Variants in DNAAF10 observed in about 807,000 individuals in gnomAD.
DNAAF10 encodes the protein WD repeat domain 92.
Under a neutral mutation model 43.7 loss-of-function variants are expected in DNAAF10, and 28 were observed. The ratio of observed to expected loss-of-function variants is 0.64; its 90% CI spans 0.48 to 0.88. The LOEUF (loss-of-function observed/expected upper bound fraction) is 0.88, where lower values mean the gene tolerates loss of function less well. Among genes scored for constraint, DNAAF10 ranks in the 40% least tolerant of loss-of-function variants. DNAAF10 has a pLI of 0.00. For missense variants in DNAAF10, 403 were observed against 439.1 expected, an observed-to-expected ratio of 0.92 and a Z score of 0.73; for synonymous variants, 156 against 157.3, an observed-to-expected ratio of 0.99 and a Z score of 0.06.
At chr2:68,133,330 C>T (rs751227077) in intron 7 of DNAAF10, among the ~76,000 whole-genome samples, 7 of 152,098 alleles carry the variant, frequency 4.6e-5, no homozygotes, top group African/African-American at 1.2e-4. Context: ...GAGACCTCCA[C>T]CTCCCAGATT....
chr2:68,154,735 G>C (rs1366299637), intron 1 of DNAAF10, among the ~76,000 whole-genome samples: 4 of 152,162 alleles, frequency 2.6e-5, no homozygotes, highest in Non-Finnish European at 4.4e-5. Context: ...ACTTGATGGA[G>C]TAAGTGTACT....
At chr2:68,156,966 C>T in intron 1 of DNAAF10, 1 of 466,964 alleles carries the variant, frequency 2.1e-6, no homozygotes, top group Non-Finnish European at 3.9e-6. Context: ...CAGCTGATGC[C>T]TGTCGAATGT....
At chr2:68,153,008 A>G (rs1673492781) in intron 1 of DNAAF10, among the ~76,000 whole-genome samples, 1 of 152,124 alleles carries the variant, frequency 6.6e-6, no homozygotes, top group African/African-American at 2.4e-5. Context: ...AACATCTACA[A>G]CTGTGTTTCC....
At chr2:68,141,560 C>T in intron 4 of DNAAF10, 134 bp downstream of exon 4, 1 of 744,976 alleles carries the variant, frequency 1.3e-6, no homozygotes, top group Non-Finnish European at 2.1e-6. Flanking sequence ...CATTAACCAC[C>T]ACGTGTATTT....
In DNAAF10 at chr2:68,134,710, G is replaced by C. The variant is rs770878654; in HGVS notation, c.858C>G (p.Leu286=). ...TGCACTGGCAGACTTACTACTTCCA[G>C]AGGTGAAGGCCGCCGGCGCCTCCAG... ...LTAGGAGGLH[L]WKYEYPIQRS... Residue 286 remains leucine, a synonymous_variant, in exon 7 of 8, where the codon CTC becomes CTG. Transcript: ENST00000295121. The C allele has an allele frequency of 1.5e-5, 24 of 1,610,246 alleles. No homozygotes were observed. The highest frequency in any genetic ancestry group is 2.0e-5 in the Non-Finnish European group (23 of 1,179,160).
intron 1 of DNAAF10, chr2:68,156,923 T>A (rs951764941): frequency 5.7e-6 from 2 of 349,604 alleles, no homozygotes; most frequent in African/African-American, 4.1e-5. Flanking sequence ...ATGGGGGACA[T>A]TACCATTCAC....
At position 68,137,393 on chromosome 2, in the gene DNAAF10, T is replaced by C. The variant is rs1308539497; in HGVS notation, c.674A>G (p.Asn225Ser). The change falls in exon 6 of 8, where the codon AAT (asparagine) becomes AGT (serine). Residue 225 changes from asparagine to serine, a missense_variant. Asn to Ser is a conservative substitution (Grantham distance 46, BLOSUM62 1). Coordinates refer to ENST00000295121, the MANE Select transcript of DNAAF10 (RefSeq NM_138458.4). Reference sequence around the variant, plus strand: ...TTCCAGAGATGTGGCTACTAACTTATTCATACTTATGTCTTTTCTGTCAAA... The same window carrying C: ...TTCCAGAGATGTGGCTACTAACTTACTCATACTTATGTCTTTTCTGTCAAA... ...LEFDRKDISM[N>S]KLVATSLEGK... 3.1e-6 allele frequency: 5 copies of C among 1,613,324 alleles called. No homozygotes were observed. Among genetic ancestry groups the C allele is most frequent in the Non-Finnish European group, 4.2e-6 (5 of 1,179,714 alleles).
Position 68,138,872 on chromosome 2 carries a change from A to G in DNAAF10, c.518-15T>C. On this transcript the variant is annotated splice_polypyrimidine_tract_variant and intron_variant, in intron 4 of 7. Coordinates refer to ENST00000295121, the MANE Select transcript of DNAAF10 (RefSeq NM_138458.4). ...ATAAGCATTGCCTGGAAATCAAGAT[A>G]CAACATTTCACATCCTTATAAATGC... The G allele has an allele frequency of 6.4e-7, 1 of 1,558,292 alleles. No individual in the cohort carries two copies. Among genetic ancestry groups the G allele is most frequent in the Non-Finnish European group, 8.9e-7 (1 of 1,129,670 alleles).
chr2:68,153,309 T>C (rs900822937), intron 1 of DNAAF10, among the ~76,000 whole-genome samples: 3 of 143,010 alleles, frequency 2.1e-5, no homozygotes, highest in African/African-American at 7.9e-5. Flanking sequence ...TCTTCTTAGA[T>C]GCACGGGCTT....
chr2:68,147,654 G>T, intron 1 of DNAAF10, 87 bp from the exon 2 acceptor site: 1 of 929,566 alleles, frequency 1.1e-6, no homozygotes, highest in Non-Finnish European at 1.5e-6. Context: ...GCTCTATTAT[G>T]GCATTTAAAT....
rs144511164 is a variant in DNAAF10 at position 68,150,195 on chromosome 2, T to C, written c.184-2628A>G. ...TTACTGCTGGATAAAAATAAAAAAC[T>C]GGAAGCAAAAACTTTCCTCCCTGTT... On this transcript the variant is annotated intron_variant, in intron 1 of 7. Coordinates refer to ENST00000295121, the MANE Select transcript of DNAAF10 (RefSeq NM_138458.4). Among the ~76,000 whole-genome samples the C allele has an allele frequency of 2.7e-3, 415 of 152,264 alleles. 2 individuals carry two copies. Among genetic ancestry groups the C allele is most frequent in the African/African-American group, 6.3e-3 (261 of 41,564 alleles).
chr2:68,136,790 T>C (rs1424970944), intron 6 of DNAAF10, among the ~76,000 whole-genome samples: 1 of 152,146 alleles, frequency 6.6e-6, no homozygotes, highest in East Asian at 1.9e-4. Context: ...CATTTCCCTC[T>C]CAGCTACCTC....
Position 68,137,443 on chromosome 2 carries a change from G to C in DNAAF10, c.634-10C>G, listed in dbSNP as rs370247297. 1.8e-5 allele frequency: 29 copies of C among 1,602,124 alleles called. No individual in the cohort carries two copies. In the East Asian group the frequency reaches 2.0e-4, roughly 11 times the overall value. ...ACTCCAAGCTACACACCTGAAAACA[G>C]AGAATACTTATTATTGGTAGTCTCA... On this transcript the variant is annotated splice_polypyrimidine_tract_variant and intron_variant, in intron 5 of 7. Transcript: ENST00000295121.
intron 1 of DNAAF10, among the ~76,000 whole-genome samples, chr2:68,155,824 T>C (rs111985225): frequency 0.025 from 3,748 of 152,116 alleles, 138 homozygotes; most frequent in African/African-American, 0.082. Flanking sequence ...TAGCCAGGCT[T>C]GGTGGCTCAC....
chr2:68,156,728 G>C (rs1673627526), intron 1 of DNAAF10, among the ~76,000 whole-genome samples: 1 of 152,186 alleles, frequency 6.6e-6, no homozygotes, highest in Non-Finnish European at 1.5e-5. Context: ...TTTACTCCTA[G>C]TTTGACCTAG....
intron 1 of DNAAF10, chr2:68,157,055 G>A (rs1673638989): frequency 1.4e-6 from 1 of 722,172 alleles, no homozygotes; most frequent in East Asian, 2.8e-5. Context: ...TGGCAGGACG[G>A]TTGGGCGCGG....
At chr2:68,151,203 TTGTG>T (rs1242984648) in intron 1 of DNAAF10, among the ~76,000 whole-genome samples, 1 of 152,232 alleles carries the variant, frequency 6.6e-6, no homozygotes, top group Non-Finnish European at 1.5e-5. Context: ...GGATCTGGTC[TTGTG>T]TGTGTGACTT....
chr2:68,156,486 T>C (rs1303756624), intron 1 of DNAAF10, among the ~76,000 whole-genome samples: 1 of 152,236 alleles, frequency 6.6e-6, no homozygotes, highest in Admixed American at 6.5e-5. Flanking sequence ...CATTATTCTC[T>C]AATTCTTTCA....
At chr2:68,150,686 T>G (rs1001384302) in intron 1 of DNAAF10, among the ~76,000 whole-genome samples, 1 of 151,882 alleles carries the variant, frequency 6.6e-6, no homozygotes, top group Non-Finnish European at 1.5e-5. Context: ...TGAGCCAAGA[T>G]CACACCACCG....
Sources: gnomAD v4.1 joint callset for allele counts (sites outside exome capture counted in the v4.1 genomes callset) on GRCh38, gnomAD v4.1.1 for gene constraint, MANE v1.5 for transcripts, NCBI Gene and HGNC (gene_info 2026-07-23, HGNC 2026-07-21) for gene names.